Variants in ROBO2 observed in about 807,000 individuals in gnomAD.
ROBO2 encodes the protein roundabout homolog 2.
In ROBO2, 53 loss-of-function variants were observed where a neutral mutation model predicts 160.8. That is an observed-to-expected ratio of 0.33 (90% CI 0.26 to 0.41). ROBO2 has a LOEUF of 0.41. Ranked by LOEUF, ROBO2 falls within the 10% of genes least tolerant of loss-of-function variation. The probability of loss-of-function intolerance (pLI) is 1.00; values close to 1 mark genes in which losing one functional copy is unlikely to be tolerated. For synonymous variants in ROBO2, 664 were observed against 611.7 expected (o/e 1.09, Z -1.26); for missense variants, 1,577 against 1,722.4 (o/e 0.92, Z 1.49).
At chr3:76,249,931 C>A (rs1390720241) in intron 2 of ROBO2, among the ~76,000 whole-genome samples, 1 of 152,004 alleles carries the variant, frequency 6.6e-6, no homozygotes, top group African/African-American at 2.4e-5. Context: ...GGTATTTCCC[C>A]CCTCTTCAAG....
intron 2 of ROBO2, among the ~76,000 whole-genome samples, chr3:77,321,342 C>A (rs1581041511): frequency 6.6e-6 from 1 of 151,964 alleles, no homozygotes; most frequent in Non-Finnish European, 1.5e-5. Context: ...CACAGGGAGA[C>A]CCCATCTCCA....
Position 76,212,843 on chromosome 3 carries a change from C to CCTCTCTCTCT in ROBO2, c.109+275253_109+275262dup, listed in dbSNP as rs113091456. ...GATACCTTGGTACTAACCCATGGAG[C>CCTCTCTCTCT]CTCTCTCTCTCTCTCTCTCTCAGTT... On this transcript the variant is annotated intron_variant, in intron 2 of 26. Transcript: ENST00000487694. Among the ~76,000 whole-genome samples the CCTCTCTCTCT allele has an allele frequency of 2.9e-3, 440 of 149,212 alleles. 2 individuals are homozygous for CCTCTCTCTCT. The highest frequency in any genetic ancestry group is 7.7e-3 in the African/African-American group (314 of 40,614).
intron 2 of ROBO2, among the ~76,000 whole-genome samples, chr3:77,118,170 T>C (rs2150238690): frequency 6.6e-6 from 1 of 152,328 alleles, no homozygotes; most frequent in South Asian, 2.1e-4. Context: ...TCTATAGTTC[T>C]GTGGAAACCT....
intron 2 of ROBO2, among the ~76,000 whole-genome samples, chr3:77,364,780 A>G (rs2070591083): frequency 6.6e-6 from 1 of 152,194 alleles, no homozygotes; most frequent in Non-Finnish European, 1.5e-5. Context: ...TCTCTGTCCC[A>G]ACTTAGGTGT....
chr3:76,005,499 G>A (rs1195422333), intron 2 of ROBO2, among the ~76,000 whole-genome samples: 1 of 152,178 alleles, frequency 6.6e-6, no homozygotes, highest in Non-Finnish European at 1.5e-5. Flanking sequence ...TGTATAAACA[G>A]TTGTATAAAA....
At position 77,267,573 on chromosome 3, in the gene ROBO2, C is replaced by A. The variant is rs2153348568; in HGVS notation, c.388+169233C>A. On this transcript the variant is annotated intron_variant, in intron 2 of 25. Coordinates refer to ENST00000461745, the Ensembl canonical transcript of ROBO2. ...GTAGGTGTGATTATGGGAGGCAATT[C>A]TAGTGAGGAAAAGATGGGTTGGCGT... is the stretch of plus-strand genomic sequence containing the variant. 2.6e-5 allele frequency among the ~76,000 whole-genome samples: 4 copies of A among 152,200 alleles called. 1 individual carries two copies. In the Middle Eastern group the frequency reaches 0.01, roughly 388 times the overall value.
chr3:76,916,635 G>A (rs1163022339), intron 2 of ROBO2, among the ~76,000 whole-genome samples: 5 of 151,028 alleles, frequency 3.3e-5, no homozygotes, highest in Non-Finnish European at 4.4e-5. Flanking sequence ...CACCACACTG[G>A]GCCTGATTTT....
At chr3:76,648,556 G>A (rs977447176) in intron 2 of ROBO2, among the ~76,000 whole-genome samples, 1 of 151,962 alleles carries the variant, frequency 6.6e-6, no homozygotes, top group African/African-American at 2.4e-5. Context: ...TTCTGAGTAT[G>A]ATAACTGTAT....
chr3:76,274,576 C>T lies in ROBO2; in HGVS notation c.109+336974C>T, dbSNP rs549648150. The stretch of plus-strand genomic sequence containing the variant: ...TAGCAGGGCCGGGCACGGTGGATCA[C>T]ACCTGTAATTCCAGCACTTTGGGAG... On this transcript the variant is annotated intron_variant, in intron 2 of 26. Transcript: ENST00000487694. Among the ~76,000 whole-genome samples, 14 of 152,178 alleles carry T rather than the reference C, an allele frequency of 9.2e-5. No homozygotes were observed. In the South Asian group the frequency reaches 2.9e-3, roughly 32 times the overall value.
intron 2 of ROBO2, among the ~76,000 whole-genome samples, chr3:76,878,029 T>C (rs751165909): frequency 6.6e-6 from 1 of 152,152 alleles, no homozygotes; most frequent in Non-Finnish European, 1.5e-5. Context: ...AACCTTTAAT[T>C]ACCTTCTAAA....
chr3:76,450,898 A>G lies in ROBO2; in HGVS notation c.109+513296A>G, dbSNP rs140588711. On this transcript the variant is annotated intron_variant, in intron 2 of 26. Transcript: ENST00000487694. Reference sequence around the variant, plus strand: ...TAAAAATTTGTAATATACCTGTGATATGATTCATAATAAGCCAGGTTGTCC... The same window carrying G: ...TAAAAATTTGTAATATACCTGTGATGTGATTCATAATAAGCCAGGTTGTCC... Among the ~76,000 whole-genome samples the G allele has an allele frequency of 5.1e-3, 775 of 152,262 alleles. 6 individuals carry two copies. Among genetic ancestry groups the G allele is most frequent in the Middle Eastern group, 0.01 (3 of 294 alleles).
intron 2 of ROBO2, among the ~76,000 whole-genome samples, chr3:77,272,416 CG>C (rs557459128): frequency 1.3e-5 from 2 of 151,344 alleles, no homozygotes; most frequent in Admixed American, 6.6e-5. Context: ...AAGAGAAGGG[CG>C]GGGGGGAGGT....
At chr3:77,484,855 A>G (rs564843058) in intron 4 of ROBO2, among the ~76,000 whole-genome samples, 4 of 152,166 alleles carry the variant, frequency 2.6e-5, no homozygotes, top group African/African-American at 9.6e-5. Flanking sequence ...TATTATGACC[A>G]TATTTCTTTT....
intron 2 of ROBO2, among the ~76,000 whole-genome samples, chr3:77,108,956 G>A (rs1166982985): frequency 6.6e-6 from 1 of 152,122 alleles, no homozygotes; most frequent in Non-Finnish European, 1.5e-5. Context: ...GGTGTAAAAG[G>A]AGACATGATA....
intron 2 of ROBO2, among the ~76,000 whole-genome samples, chr3:77,123,820 A>G (rs536551032): frequency 7.6e-4 from 113 of 149,234 alleles, no homozygotes; most frequent in African/African-American, 2.6e-3. Flanking sequence ...ATAGATACAC[A>G]TATCTATATA....
At chr3:76,910,528 C>T (rs548249592) in intron 2 of ROBO2, among the ~76,000 whole-genome samples, 1 of 151,834 alleles carries the variant, frequency 6.6e-6, no homozygotes, top group African/African-American at 2.4e-5. Flanking sequence ...AAGATCAAGA[C>T]CATCCTGGCC....
chr3:77,062,022 A>G (rs2066369150), intron 1 of ROBO2, among the ~76,000 whole-genome samples: 1 of 152,148 alleles, frequency 6.6e-6, no homozygotes, highest in African/African-American at 2.4e-5. Context: ...GGCAAAGGAT[A>G]ATAGAGAGAA....
chr3:76,927,185 G>A (rs755674656), intron 2 of ROBO2, among the ~76,000 whole-genome samples: 3 of 151,958 alleles, frequency 2.0e-5, no homozygotes, highest in Non-Finnish European at 2.9e-5. Flanking sequence ...ATTTTCATTG[G>A]ATTCAAATGA....
At chr3:76,257,591 G>C (rs1274200892) in intron 2 of ROBO2, among the ~76,000 whole-genome samples, 3 of 152,112 alleles carry the variant, frequency 2.0e-5, no homozygotes, top group Non-Finnish European at 4.4e-5. Flanking sequence ...CTATTGTATA[G>C]TGTATTTCAT....
Sources: gnomAD v4.1 joint callset for allele counts (sites outside exome capture counted in the v4.1 genomes callset) on GRCh38, gnomAD v4.1.1 for gene constraint, MANE v1.5 for transcripts, NCBI Gene and HGNC (gene_info 2026-07-23, HGNC 2026-07-21) for gene names.